BGN: variants seen among roughly 807,000 people sequenced by gnomAD.
BGN encodes the protein biglycan.
Under a neutral mutation model 20.0 loss-of-function variants are expected in BGN, and 6 were observed. That is an observed-to-expected ratio of 0.30 (90% confidence interval 0.16 to 0.59). The LOEUF (loss-of-function observed/expected upper bound fraction) is 0.59, where lower values mean the gene tolerates loss of function less well. Ranked by LOEUF, BGN falls within the 20% of genes least tolerant of loss-of-function variation. The pLI is 0.88. For synonymous variants in BGN, 146 were observed against 134.6 expected (o/e 1.08, Z -0.59); for missense variants, 292 against 312.1 (o/e 0.94, Z 0.49).
chrX:153,508,293 G>C lies in BGN; in HGVS notation c.955G>C (p.Asp319His). ...SNNITKVGVN[D>H]FCPMGFGVKR... Reference sequence around the variant, plus strand: ...CAACATCACCAAAGTGGGTGTCAACGACTTCTGTCCCATGGGCTTCGGGGT... The same window carrying C: ...CAACATCACCAAAGTGGGTGTCAACCACTTCTGTCCCATGGGCTTCGGGGT... Residue 319 changes from aspartate (D) to histidine (H), a missense_variant, in exon 8 of 8, where the codon GAC becomes CAC. Transcript: ENST00000331595. 1 of 1,212,115 alleles carries C rather than the reference G, an allele frequency of 8.3e-7. No homozygotes were observed. Among genetic ancestry groups the C allele is most frequent in the Non-Finnish European group, 1.1e-6 (1 of 895,595 alleles).
At chrX:153,505,726 T>C in intron 3 of BGN, 137 bp from the exon 4 acceptor site, 1 of 530,666 alleles carries the variant, frequency 1.9e-6, no homozygotes. Context: ...TGCTGCCTCC[T>C]GCCCTGCACT....
intron 1 of BGN, among the ~76,000 whole-genome samples, chrX:153,499,625 C>T (rs2089742369): frequency 8.8e-6 from 1 of 113,215 alleles, no homozygotes; most frequent in Admixed American, 9.2e-5. Context: ...CAAGGTCCAC[C>T]CCTCCCCACT....
Position 153,505,094 on chromosome X carries a change from C to G in BGN, c.239-144C>G, listed in dbSNP as rs1379003760. On this transcript the variant is annotated intron_variant, in intron 2 of 7. Transcript: ENST00000331595. ...CCTGTGTGTGTGTCCCCGGTCCTCCCTACCAGTGGGGCTAGTCGGCTGGAT... is the reference window on the plus strand; with the variant it reads ...CCTGTGTGTGTGTCCCCGGTCCTCCGTACCAGTGGGGCTAGTCGGCTGGAT... 5 of 577,770 alleles carry G rather than the reference C, an allele frequency of 8.7e-6. No individual in the cohort carries two copies. In the African/African-American group the frequency reaches 9.3e-5, roughly 11 times the overall value. The allele number at this position is 577,770 out of a possible 1,213,427, so 47.6% of individuals were successfully genotyped here. A position where few individuals can be genotyped will look rare whatever the true frequency, so the allele number is the denominator to read the frequency against.
At position 153,506,840 on chromosome X, in the gene BGN, G is replaced by A. The variant is rs2089804284; in HGVS notation, c.687G>A (p.Glu229=). Residue 229 remains glutamate, a synonymous_variant, in exon 6 of 8, where the codon GAG becomes GAA. Transcript: ENST00000331595. ...CTCTTCTCCTGGCAGACCTCCCTGA[G>A]ACCCTGAATGAACTCCACCTAGACC... ...KLTGIPKDLP[E]TLNELHLDHN... is the part of the protein sequence containing the mutation. 1.1e-5 allele frequency: 13 copies of A among 1,211,074 alleles called. No individual in the cohort carries two copies. Among genetic ancestry groups the A allele is most frequent in the Middle Eastern group, 2.3e-4 (1 of 4,355 alleles).
At chrX:153,499,683 G>C (rs782774312) in intron 1 of BGN, among the ~76,000 whole-genome samples, 2 of 113,243 alleles carry the variant, frequency 1.8e-5, no homozygotes, top group African/African-American at 6.4e-5. Flanking sequence ...GAACGCACAC[G>C]CCGGGCTTTG....
At chrX:153,499,576 GGGCATGCTCCGGCAAC>G (rs2089741870) in intron 1 of BGN, among the ~76,000 whole-genome samples, 1 of 113,509 alleles carries the variant, frequency 8.8e-6, no homozygotes, top group Non-Finnish European at 1.9e-5. Flanking sequence ...GCTGCCTGAA[GGGCATGCTCCGGCAAC>G]GGCAGGGGCT....
At position 153,501,108 on chromosome X, in the gene BGN, T is replaced by C. The variant is rs1048998819; in HGVS notation, c.-11-3513T>C. 8.0e-5 allele frequency among the ~76,000 whole-genome samples: 9 copies of C among 112,188 alleles called. No homozygotes were observed. The East Asian group carries it at 2.6e-3, about 32-fold the overall frequency. On this transcript the variant is annotated intron_variant, in intron 1 of 7. Coordinates refer to ENST00000331595, the MANE Select transcript of BGN (RefSeq NM_001711.6). ...TTGTATAGGTGTGTGCATGTGTGTG[T>C]GCACGTGTGTACATATGTGTTTTGT... is the stretch of plus-strand genomic sequence containing the variant.
rs782253352 is a variant in BGN, at chrX:153,505,920, C to T, written c.409C>T (p.Leu137=). Residue 137 remains leucine (L), a synonymous_variant, in exon 4 of 8, where the codon CTG becomes TTG. Transcript: ENST00000331595. ...GATCCATGAGAAGGCCTTCAGCCCA[C>T]TGCGGAAGCTGCAGAAGCTCTACAT... is the stretch of plus-strand genomic sequence containing the variant. The part of the protein sequence containing the change: ...SKIHEKAFSP[L]RKLQKLYISK... 5.0e-6 allele frequency: 6 copies of T among 1,210,370 alleles called. No homozygotes were observed. Among genetic ancestry groups the T allele is most frequent in the Admixed American group, 4.4e-5 (2 of 45,893 alleles).
chrX:153,505,748 C>T (rs2089795550), intron 3 of BGN, 115 bp from the exon 4 acceptor site: 16 of 546,453 alleles, frequency 2.9e-5, no homozygotes, highest in Non-Finnish European at 4.4e-5. Flanking sequence ...TGCTCACAAG[C>T]ATGGACTGAA....
chrX:153,497,373 G>A (rs1318819463), intron 1 of BGN, among the ~76,000 whole-genome samples: 11 of 109,719 alleles, frequency 1.0e-4, no homozygotes, highest in Non-Finnish European at 1.7e-4. Context: ...GGTGGGCACC[G>A]GCTCCCTCGG....
chrX:153,506,109 C>T, intron 4 of BGN, 33 bp downstream of exon 4: 1 of 1,177,477 alleles, frequency 8.5e-7, no homozygotes. Flanking sequence ...CATTCCAGAG[C>T]CTTGTCTCGA....
intron 1 of BGN, among the ~76,000 whole-genome samples, chrX:153,497,244 C>T (rs1396683701): frequency 9.3e-6 from 1 of 107,629 alleles, no homozygotes; most frequent in Non-Finnish European, 1.9e-5. Context: ...GAGCCCCCGA[C>T]AGGCCTGGGA....
chrX:153,507,188 G>T lies in BGN; in HGVS notation c.909+3G>T. On this transcript the variant is annotated splice_donor_region_variant and intron_variant, in intron 7 of 7. Transcript: ENST00000331595. ...TCCCAGACCTCAAGCTCCTCCAGGTGAGAGCTGGGCATGCACAGCCAGGTT... is the reference window on the plus strand; with the variant it reads ...TCCCAGACCTCAAGCTCCTCCAGGTTAGAGCTGGGCATGCACAGCCAGGTT... The T allele has an allele frequency of 8.4e-7, 1 of 1,195,263 alleles. No individual in the cohort carries two copies. The highest frequency in any genetic ancestry group is 1.1e-6 in the Non-Finnish European group (1 of 886,298).
intron 1 of BGN, among the ~76,000 whole-genome samples, chrX:153,500,174 G>A (rs958676254): frequency 1.4e-4 from 16 of 112,941 alleles, no homozygotes; most frequent in African/African-American, 4.5e-4. Flanking sequence ...CTGTGACCTC[G>A]AGCAATCCAG....
chrX:153,499,462 G>A (rs2089740894), intron 1 of BGN, among the ~76,000 whole-genome samples: 1 of 113,008 alleles, frequency 8.8e-6, no homozygotes, highest in Non-Finnish European at 1.9e-5. Context: ...CACCCTTGTC[G>A]CCACCCTGCC....
intron 1 of BGN, chrX:153,495,333 GC>G (rs2089704112): frequency 8.9e-6 from 1 of 111,820 alleles, no homozygotes; most frequent in Admixed American, 9.4e-5. Context: ...CGCCCTCCAG[GC>G]ACCTTTCCCT....
Position 153,506,578 on chromosome X carries a change from C to T in BGN, c.615C>T (p.Phe205=), listed in dbSNP as rs935930397. The T allele has an allele frequency of 6.5e-5, 79 of 1,209,276 alleles. No individual in the cohort carries two copies. The highest frequency in any genetic ancestry group is 8.4e-5 in the Non-Finnish European group (75 of 894,989). ...ACAGTGGCTTTGAACCTGGAGCCTT[C>T]GATGGCCTGAAGCTCAACTACCTGC... ...LENSGFEPGA[F]DGLKLNYLRI... is the part of the protein sequence containing the mutation. The change falls in exon 5 of 8, where the codon TTC becomes TTT. Residue 205 remains phenylalanine (F), a synonymous_variant. Transcript: ENST00000331595.
rs1313329401 is a variant in BGN, at chrX:153,509,508, G to C, written c.*1063G>C. The C allele has an allele frequency of 8.9e-6, 1 of 112,606 alleles. No individual in the cohort carries two copies. The allele number at this position is 112,606 out of a possible 1,213,427, so 9.3% of individuals were successfully genotyped here. A position where few individuals can be genotyped will look rare whatever the true frequency, so the allele number is the denominator to read the frequency against. ...GCAAGGAGGGGCTGCTTCTGAGGTC[G>C]GTGGCTGTCTTTCCATTAAAGAAAC... On this transcript the variant is annotated 3_prime_UTR_variant, in exon 8 of 8. Transcript: ENST00000331595.
At position 153,507,677 on chromosome X, in the gene BGN, A is replaced by G. The variant is rs782326601; in HGVS notation, c.909+492A>G. On this transcript the variant is annotated intron_variant, in intron 7 of 7. Coordinates refer to ENST00000331595, the MANE Select transcript of BGN (RefSeq NM_001711.6). Reference sequence around the variant, plus strand: ...CCATCCGCACCAGCTGCGAGCCAGCACCGCGCAGGCCATGCCCATGCTGGG... The same window carrying G: ...CCATCCGCACCAGCTGCGAGCCAGCGCCGCGCAGGCCATGCCCATGCTGGG... Among the ~76,000 whole-genome samples the G allele has an allele frequency of 7.1e-5, 8 of 113,452 alleles. No homozygotes were observed. In the South Asian group the frequency reaches 2.8e-3, roughly 40 times the overall value.
Sources: gnomAD v4.1 joint callset for allele counts (sites outside exome capture counted in the v4.1 genomes callset) on GRCh38, gnomAD v4.1.1 for gene constraint, MANE v1.5 for transcripts, NCBI Gene and HGNC (gene_info 2026-07-23, HGNC 2026-07-21) for gene names.